KIF14: variants seen among roughly 807,000 people sequenced by gnomAD.
The protein encoded by KIF14 is kinesin-like protein KIF14.
KIF14 carries 98 observed loss-of-function variants against 176.2 expected under a neutral mutation model. The observed-to-expected ratio is 0.56, with a 90% confidence interval of 0.47 to 0.66. The LOEUF is 0.66. KIF14 is among the 30% of genes least tolerant of loss of function. KIF14 has a pLI of 0.00. For missense variants in KIF14, 1,751 were observed against 1,920.4 expected (o/e 0.91, Z 1.65); for synonymous variants, 566 against 632.2 (o/e 0.90, Z 1.57).
At chr1:200,608,433 C>G (rs55794610) in intron 5 of KIF14, among the ~76,000 whole-genome samples, 1 of 149,742 alleles carries the variant, frequency 6.7e-6, no homozygotes, top group Non-Finnish European at 1.5e-5. Context: ...GGCTTGATCT[C>G]GGCTCACTGC....
At chr1:200,605,430 G>A in intron 7 of KIF14, 40 bp from the exon 8 acceptor site, 3 of 1,375,574 alleles carry the variant, frequency 2.2e-6, no homozygotes, top group Non-Finnish European at 3.1e-6. Context: ...TCAGCAGACT[G>A]TAACTCAATG....
intron 15 of KIF14, 141 bp downstream of exon 15, chr1:200,593,526 T>A (rs1659156980): frequency 4.7e-6 from 3 of 640,634 alleles, no homozygotes; most frequent in Non-Finnish European, 8.2e-6. Flanking sequence ...AAGCAATTAA[T>A]AGGAAAAAGA....
intron 21 of KIF14, among the ~76,000 whole-genome samples, chr1:200,578,388 T>C (rs899669767): frequency 1.3e-5 from 2 of 152,170 alleles, no homozygotes; most frequent in East Asian, 1.9e-4. Context: ...AAGTAGTATA[T>C]AGTTCCATAT....
intron 14 of KIF14, among the ~76,000 whole-genome samples, chr1:200,595,645 C>T (rs1659292420): frequency 6.6e-6 from 1 of 151,740 alleles, no homozygotes; most frequent in Non-Finnish European, 1.5e-5. Flanking sequence ...AAGGATATGC[C>T]CTAACAGATA....
In KIF14 at chr1:200,617,859, T is replaced by C. The variant is rs769362798; in HGVS notation, c.865A>G (p.Thr289Ala). The part of the protein sequence containing the change: ...TKCTTEHKLT[T>A]KCSLPQLKSP... ...TTAAGCTGAGGCAGGCTGCACTTTG[T>C]TGTCAGTTTGTGTTCTGTTGTACAT... The change falls in exon 2 of 30, where the codon ACA (threonine) becomes GCA (alanine). Residue 289 changes from threonine (T) to alanine (A), a missense_variant. By Grantham distance (58) the Thr-to-Ala change is moderately conservative. Transcript: ENST00000367350. The C allele has an allele frequency of 4.3e-6, 7 of 1,614,098 alleles. No homozygotes were observed. Among genetic ancestry groups the C allele is most frequent in the Non-Finnish European group, 5.9e-6 (7 of 1,180,042 alleles).
intron 23 of KIF14, among the ~76,000 whole-genome samples, chr1:200,568,074 T>C (rs530445894): frequency 6.6e-6 from 1 of 152,290 alleles, no homozygotes; most frequent in African/African-American, 2.4e-5. Flanking sequence ...TTAAGATACT[T>C]GCTCAACTTC....
chr1:200,579,616 AT>A lies in KIF14; in HGVS notation c.3465+637del, dbSNP rs67232545. The stretch of plus-strand genomic sequence containing the variant: ...AAGAGTGAAATTCCATTTCAAAAAA[AT>A]ATATATATATATATTTGTAAAATGC... On this transcript the variant is annotated intron_variant, in intron 21 of 29. Coordinates refer to ENST00000367350, the MANE Select transcript of KIF14 (RefSeq NM_014875.3). Among the ~76,000 whole-genome samples, 10 of 143,540 alleles carry A rather than the reference AT, an allele frequency of 7.0e-5. No homozygotes were observed. In the East Asian group the frequency reaches 1.8e-3, roughly 26 times the overall value. 94.2% of individuals were successfully genotyped at this position (143,540 alleles called of 152,430 possible). A position where few individuals can be genotyped will look rare whatever the true frequency, so the allele number is the denominator to read the frequency against.
chr1:200,585,144 C>T (rs573035971), intron 19 of KIF14, among the ~76,000 whole-genome samples: 16 of 151,604 alleles, frequency 1.1e-4, no homozygotes, highest in African/African-American at 3.4e-4. Context: ...AGGATGAATA[C>T]ACTCTGGAGG....
chr1:200,596,208 A>G (rs1447091861), intron 14 of KIF14, among the ~76,000 whole-genome samples: 40 of 152,168 alleles, frequency 2.6e-4, no homozygotes, highest in Non-Finnish European at 5.9e-4. Context: ...AGATGGTGCC[A>G]CTACACTCCA....
intron 18 of KIF14, among the ~76,000 whole-genome samples, chr1:200,586,790 C>CATACATATATATATATATATATAT (rs1658768172): frequency 1.6e-5 from 2 of 128,326 alleles, no homozygotes; most frequent in South Asian, 2.3e-4. Flanking sequence ...TATATACATA[C>CATACATATATATATATATATATAT]ATATATATAT....
chr1:200,598,882 C>T (rs1659495555), intron 13 of KIF14, among the ~76,000 whole-genome samples: 2 of 152,132 alleles, frequency 1.3e-5, no homozygotes, highest in Admixed American at 6.6e-5. Context: ...AGACTCTCTC[C>T]TCCTTCCTTA....
intron 21 of KIF14, among the ~76,000 whole-genome samples, chr1:200,576,882 C>G (rs1328484195): frequency 6.6e-6 from 1 of 152,024 alleles, no homozygotes; most frequent in Non-Finnish European, 1.5e-5. Context: ...CTCATCTCAG[C>G]CTCCCAAAGT....
chr1:200,585,996 G>A (rs1658716228), intron 19 of KIF14, 105 bp downstream of exon 19: 1 of 741,172 alleles, frequency 1.3e-6, no homozygotes. Context: ...CTAGAATAAA[G>A]TATTTTGAAT....
chr1:200,589,441 A>C (rs1658928315), intron 17 of KIF14, 72 bp from the exon 18 acceptor site: 1 of 1,283,944 alleles, frequency 7.8e-7, no homozygotes, highest in African/African-American at 1.5e-5. Context: ...CCCTTTCTTT[A>C]ACCAATGTAC....
At chr1:200,570,958 T>C (rs533709263) in intron 22 of KIF14, among the ~76,000 whole-genome samples, 1 of 152,292 alleles carries the variant, frequency 6.6e-6, no homozygotes, top group South Asian at 2.1e-4. Context: ...CACTTCTTTG[T>C]GTCCATGTGT....
intron 14 of KIF14, among the ~76,000 whole-genome samples, chr1:200,596,977 C>A (rs1659384799): frequency 6.9e-6 from 1 of 145,772 alleles, no homozygotes; most frequent in Non-Finnish European, 1.5e-5. Flanking sequence ...CGGCACACTG[C>A]AACATCCACC....
In KIF14 at chr1:200,553,775, CAA is replaced by C; in HGVS notation, c.4568-10_4568-9del. The C allele has an allele frequency of 6.4e-7, 1 of 1,571,874 alleles. No individual in the cohort carries two copies. The highest frequency in any genetic ancestry group is 2.3e-5 in the East Asian group (1 of 44,254). Reference sequence around the variant, plus strand: ...TTATATCACTATGGCATCCTATATGCAAGAGAGGAGGGAAAAGTTAATTAGCC... The same window carrying C: ...TTATATCACTATGGCATCCTATATGCGAGAGGAGGGAAAAGTTAATTAGCC... On this transcript the variant is annotated splice_polypyrimidine_tract_variant and intron_variant, in intron 29 of 29. Transcript: ENST00000367350.
chr1:200,554,603 T>A lies in KIF14; in HGVS notation c.4432A>T (p.Ser1478Cys). The change falls in exon 29 of 30, where the codon AGT (serine) becomes TGT (cysteine). Residue 1478 changes from serine to cysteine, a missense_variant. Coordinates refer to ENST00000367350, the MANE Select transcript of KIF14 (RefSeq NM_014875.3). ...TCTTCTTGTACTTGCCTTCTGAAAC[T>A]TTTCTGTATAAATAAAGTTAATATT... ...ENIFAESKIK[S>C]FRRQVQEENF... The A allele has an allele frequency of 6.8e-7, 1 of 1,460,828 alleles. No homozygotes were observed. The highest frequency in any genetic ancestry group is 1.2e-5 in the South Asian group (1 of 82,156). The allele number at this position is 1,460,828 out of a possible 1,614,324, so 90.5% of individuals were successfully genotyped here.
chr1:200,584,638 TGACA>T (rs1392173721), intron 19 of KIF14, among the ~76,000 whole-genome samples: 1 of 152,208 alleles, frequency 6.6e-6, no homozygotes, highest in Non-Finnish European at 1.5e-5. Context: ...AAAAAACCTT[TGACA>T]AACTACAACA....
Sources: allele counts gnomAD v4.1 joint callset (sites outside exome capture counted in the v4.1 genomes callset), GRCh38; gene constraint gnomAD v4.1.1; transcripts MANE v1.5; gene names NCBI Gene and HGNC (gene_info 2026-07-23, HGNC 2026-07-21).